TEAD1: variants seen among roughly 807,000 people sequenced by gnomAD.
The protein encoded by TEAD1 is transcriptional enhancer factor TEF-1.
TEAD1 carries 9 observed loss-of-function variants against 54.9 expected under a neutral mutation model. The observed-to-expected ratio is 0.16, with a 90% CI of 0.10 to 0.29. TEAD1 has a LOEUF of 0.29. Ranked by LOEUF, TEAD1 falls within the 10% of genes least tolerant of loss-of-function variation. The probability of loss-of-function intolerance (pLI) is 1.00; values close to 1 mark genes in which losing one functional copy is unlikely to be tolerated. For missense variants in TEAD1, 387 were observed against 535.9 expected (o/e 0.72, Z 2.74); for synonymous variants, 200 against 187.8 (o/e 1.07, Z -0.53).
intron 2 of TEAD1, among the ~76,000 whole-genome samples, chr11:12,701,117 A>G (rs928233388): frequency 1.3e-5 from 2 of 152,094 alleles, no homozygotes; most frequent in African/African-American, 2.4e-5. Flanking sequence ...TGTTTGTAAG[A>G]CCGTTGTGTT....
chr11:12,703,196 G>A (rs1413365480), intron 2 of TEAD1, among the ~76,000 whole-genome samples: 1 of 152,106 alleles, frequency 6.6e-6, no homozygotes, highest in East Asian at 1.9e-4. Context: ...TCCCACAGAT[G>A]GAATCTTTGT....
At chr11:12,785,504 A>G (rs56065429) in intron 3 of TEAD1, among the ~76,000 whole-genome samples, 1,534 of 152,330 alleles carry the variant, frequency 0.01, 15 homozygotes, top group Non-Finnish European at 0.017. Context: ...AAATGGGGGC[A>G]ATGTTAACAA....
intron 10 of TEAD1, among the ~76,000 whole-genome samples, chr11:12,919,469 T>C (rs1020221113): frequency 1.3e-5 from 2 of 152,152 alleles, no homozygotes; most frequent in African/African-American, 2.4e-5. Flanking sequence ...TCCTAAATAA[T>C]TGGTGAAGTT....
At chr11:12,877,974 T>TTTG (rs1554945003) in intron 5 of TEAD1, among the ~76,000 whole-genome samples, 4 of 150,746 alleles carry the variant, frequency 2.7e-5, no homozygotes, top group African/African-American at 9.8e-5. Context: ...ATTTTTTTTT[T>TTTG]TGTGTGTGTG....
At chr11:12,882,043 A>T (rs1589954919) in intron 8 of TEAD1, 86 bp downstream of exon 8, 3 of 1,465,816 alleles carry the variant, frequency 2.0e-6, no homozygotes, top group East Asian at 4.5e-5. Context: ...GAGTCAAGAG[A>T]TGCTCAACTT....
At position 12,942,184 on chromosome 11, in the gene TEAD1, C is replaced by T. The variant is rs1427611666; in HGVS notation, c.*4962C>T. On this transcript the variant is annotated 3_prime_UTR_variant, in exon 13 of 13. Coordinates refer to ENST00000527636, the MANE Select transcript of TEAD1 (RefSeq NM_021961.6). ...TGCCTTTTAAATTCATGACCAAATA[C>T]TTAGCTATTTGTGAATCTTCTGCAC... 3 of 152,632 alleles carry T rather than the reference C, an allele frequency of 2.0e-5. No homozygotes were observed. The highest frequency in any genetic ancestry group is 2.9e-5 in the Non-Finnish European group (2 of 68,034). The allele number at this position is 152,632 out of a possible 1,614,324, so 9.5% of individuals were successfully genotyped here.
chr11:12,903,811 C>T (rs1026620911), intron 10 of TEAD1, among the ~76,000 whole-genome samples: 11 of 150,112 alleles, frequency 7.3e-5, no homozygotes, highest in African/African-American at 2.7e-4. Flanking sequence ...GACCCTGTTC[C>T]AAAAAAAAAG....
chr11:12,900,798 T>C (rs539035510), intron 9 of TEAD1, among the ~76,000 whole-genome samples: 1 of 152,326 alleles, frequency 6.6e-6, no homozygotes, highest in Admixed American at 6.5e-5. Context: ...ATTGCCAGTT[T>C]TAACTTGGAA....
chr11:12,736,011 C>A (rs1202987618), intron 2 of TEAD1, among the ~76,000 whole-genome samples: 1 of 152,186 alleles, frequency 6.6e-6, no homozygotes. Flanking sequence ...ATGTTTTATC[C>A]TCCAGCTAGA....
rs116330651 is a variant in TEAD1, at chr11:12,798,328, G to A, written c.202+33894G>A. ...ATTTCTCTCTCTTTCCTTTTGACTGGAAGAGTACTCATCTTTTCTAACATC... is the reference window on the plus strand; with the variant it reads ...ATTTCTCTCTCTTTCCTTTTGACTGAAAGAGTACTCATCTTTTCTAACATC... On this transcript the variant is annotated intron_variant, in intron 3 of 12. Coordinates refer to ENST00000527636, the MANE Select transcript of TEAD1 (RefSeq NM_021961.6). Among the ~76,000 whole-genome samples the A allele has an allele frequency of 8.5e-3, 1,298 of 152,136 alleles. 21 individuals are homozygous for A. The highest frequency in any genetic ancestry group is 0.03 in the African/African-American group (1,229 of 41,480).
chr11:12,905,961 A>G (rs751614576), intron 10 of TEAD1, among the ~76,000 whole-genome samples: 2 of 152,164 alleles, frequency 1.3e-5, no homozygotes, highest in African/African-American at 4.8e-5. Flanking sequence ...CAGTTCTGCC[A>G]GTTGACACTT....
intron 3 of TEAD1, among the ~76,000 whole-genome samples, chr11:12,822,991 A>G (rs1020974143): frequency 6.6e-6 from 1 of 152,206 alleles, no homozygotes; most frequent in East Asian, 1.9e-4. Context: ...TCAAGACAAC[A>G]TTTTTAGTAG....
At chr11:12,909,442 C>T (rs926090051) in intron 10 of TEAD1, among the ~76,000 whole-genome samples, 5 of 149,976 alleles carry the variant, frequency 3.3e-5, no homozygotes, top group African/African-American at 1.2e-4. Context: ...CCAAACACCA[C>T]GTGTTTTCAC....
At chr11:12,892,470 C>A (rs1011844983) in intron 9 of TEAD1, among the ~76,000 whole-genome samples, 36 of 152,092 alleles carry the variant, frequency 2.4e-4, no homozygotes, top group Non-Finnish European at 2.5e-4. Context: ...ATGGTGAATC[C>A]CCCGCTTCTA....
Position 12,924,926 on chromosome 11 carries a change from C to T in TEAD1, c.888C>T (p.Cys296=), listed in dbSNP as rs1163290197. 6.2e-7 allele frequency: 1 copy of T among 1,614,144 alleles called. No individual in the cohort carries two copies. Among genetic ancestry groups the T allele is most frequent in the Admixed American group, 1.7e-5 (1 of 60,018 alleles). Residue 296 remains cysteine, a synonymous_variant, in exon 11 of 13, where the codon TGC becomes TGT. Coordinates refer to ENST00000527636, the MANE Select transcript of TEAD1 (RefSeq NM_021961.6). ...CTTTCCAACAGGCTGATTTAAACTG[C>T]AATATTCAAGATGATGCTGGGGCTT...
chr11:12,917,888 G>T (rs1384360492), intron 10 of TEAD1, among the ~76,000 whole-genome samples: 1 of 152,112 alleles, frequency 6.6e-6, no homozygotes, highest in African/African-American at 2.4e-5. Flanking sequence ...CAGCCTTTTT[G>T]GCTAGCTTGT....
chr11:12,711,025 A>C (rs148796229), intron 2 of TEAD1, among the ~76,000 whole-genome samples: 1 of 152,136 alleles, frequency 6.6e-6, no homozygotes, highest in African/African-American at 2.4e-5. Context: ...TTAGGACTGT[A>C]CTGTGAATAC....
At chr11:12,789,630 C>T (rs1194551443) in intron 3 of TEAD1, among the ~76,000 whole-genome samples, 1 of 152,208 alleles carries the variant, frequency 6.6e-6, no homozygotes, top group African/African-American at 2.4e-5. Context: ...CATCTCCCTC[C>T]AGATGGCTTT....
chr11:12,893,207 G>C (rs966545858), intron 9 of TEAD1, among the ~76,000 whole-genome samples: 1 of 152,216 alleles, frequency 6.6e-6, no homozygotes, highest in Non-Finnish European at 1.5e-5. Context: ...CTAACGGTTG[G>C]CTCTGCTTAG....
Sources: allele counts gnomAD v4.1 joint callset (sites outside exome capture counted in the v4.1 genomes callset), GRCh38; gene constraint gnomAD v4.1.1; transcripts MANE v1.5; gene names NCBI Gene and HGNC (gene_info 2026-07-23, HGNC 2026-07-21).